The following PON1 variants were observed in gnomAD, a reference collection of about 807,000 sequenced individuals.
PON1 encodes paraoxonase 1, also known as serum paraoxonase/arylesterase 1.
In PON1, 37 loss-of-function variants were observed where a neutral mutation model predicts 39.2. The ratio of observed to expected loss-of-function variants is 0.94; its 90% CI spans 0.73 to 1.24. PON1 has a LOEUF of 1.24. PON1 is among the 50% of genes most tolerant of loss of function. The probability of loss-of-function intolerance (pLI) is 0.00; values close to 1 mark genes in which losing one functional copy is unlikely to be tolerated. For missense variants in PON1, 397 were observed against 413.5 expected (o/e 0.96, Z 0.35); for synonymous variants, 148 against 152.2 (o/e 0.97, Z 0.21).
intron 6 of PON1, among the ~76,000 whole-genome samples, chr7:95,306,662 C>G (rs1807547879): frequency 6.6e-6 from 1 of 152,136 alleles, no homozygotes; most frequent in Non-Finnish European, 1.5e-5. Context: ...CAGCGTTTCT[C>G]TTTTGGTTTG....
At chr7:95,299,265 G>T (rs979497016) in intron 8 of PON1, among the ~76,000 whole-genome samples, 163 bp from the exon 9 acceptor site, 1 of 152,076 alleles carries the variant, frequency 6.6e-6, no homozygotes, top group Non-Finnish European at 1.5e-5. Flanking sequence ...CTTCATTTGG[G>T]AACAGGTGGG....
chr7:95,299,272 T>G (rs1807364271), intron 8 of PON1, among the ~76,000 whole-genome samples, 170 bp from the exon 9 acceptor site: 1 of 152,114 alleles, frequency 6.6e-6, no homozygotes, highest in Non-Finnish European at 1.5e-5. Context: ...TGGGAACAGG[T>G]GGGTACTGAT....
chr7:95,312,003 G>T (rs543812698), intron 4 of PON1, among the ~76,000 whole-genome samples: 24 of 152,202 alleles, frequency 1.6e-4, no homozygotes, highest in Non-Finnish European at 3.1e-4. Context: ...AAGAACATCT[G>T]AGAAATAGTA....
intron 1 of PON1, among the ~76,000 whole-genome samples, chr7:95,323,432 A>C (rs1411211331): frequency 1.3e-5 from 2 of 152,182 alleles, no homozygotes; most frequent in African/African-American, 4.8e-5. Context: ...AAATTAGAAA[A>C]ACATCCACAA....
At chr7:95,318,256 T>C (rs1807814912) in intron 2 of PON1, 67 bp downstream of exon 2, 1 of 1,307,998 alleles carries the variant, frequency 7.6e-7, no homozygotes, top group Non-Finnish European at 1.1e-6. Flanking sequence ...ACAGGCACAT[T>C]AATCACACAA....
intron 6 of PON1, among the ~76,000 whole-genome samples, chr7:95,307,608 A>G (rs749088182): frequency 4.6e-5 from 7 of 152,174 alleles, no homozygotes; most frequent in Non-Finnish European, 8.8e-5. Flanking sequence ...TACTTTCTTG[A>G]TGAAGGAAGT....
intron 5 of PON1, among the ~76,000 whole-genome samples, chr7:95,309,494 T>G (rs982262905): frequency 1.3e-5 from 2 of 152,182 alleles, no homozygotes; most frequent in African/African-American, 2.4e-5. Context: ...CAATAGCTTT[T>G]TATTGCTGAA....
chr7:95,317,916 T>C (rs1047417936), intron 2 of PON1, among the ~76,000 whole-genome samples: 1 of 152,122 alleles, frequency 6.6e-6, no homozygotes, highest in East Asian at 1.9e-4. Flanking sequence ...AAAAGAGAGA[T>C]GCATAAGGAG....
chr7:95,323,217 T>C (rs1383193243), intron 1 of PON1, among the ~76,000 whole-genome samples: 1 of 152,080 alleles, frequency 6.6e-6, no homozygotes, highest in Non-Finnish European at 1.5e-5. Context: ...GTGGGTAAAA[T>C]TTCCCTTCCT....
At chr7:95,303,459 C>T (rs1361990613) in intron 7 of PON1, among the ~76,000 whole-genome samples, 3 of 152,174 alleles carry the variant, frequency 2.0e-5, no homozygotes, top group Non-Finnish European at 4.4e-5. Context: ...GGGCTTTGCT[C>T]TTATCTTTGG....
At chr7:95,324,355 G>A in intron 1 of PON1, 47 bp downstream of exon 1, 2 of 1,574,104 alleles carry the variant, frequency 1.3e-6, no homozygotes, top group Non-Finnish European at 1.7e-6. Context: ...GAGCTGGCAG[G>A]GAGTGAGGAG....
At chr7:95,311,632 C>T in intron 4 of PON1, 55 bp from the exon 5 acceptor site, 6 of 1,609,186 alleles carry the variant, frequency 3.7e-6, no homozygotes, top group Admixed American at 1.7e-5. Flanking sequence ...CACTGTCAGC[C>T]CTCTCTCCAA....
rs1807332352 is a variant in PON1 at position 95,298,428 on chromosome 7, T to C, written c.*516A>G. On this transcript the variant is annotated 3_prime_UTR_variant, in exon 9 of 9. Transcript: ENST00000222381. ...AAGGGAAAATGGGAGTAAGTAAGTCTGACTGCCATAGTCAGACTTACTATG... is the reference window on the plus strand; with the variant it reads ...AAGGGAAAATGGGAGTAAGTAAGTCCGACTGCCATAGTCAGACTTACTATG... 1 of 172,142 alleles carries C rather than the reference T, an allele frequency of 5.8e-6. No homozygotes were observed. The highest frequency in any genetic ancestry group is 2.4e-5 in the African/African-American group (1 of 41,926). The allele number at this position is 172,142 out of a possible 1,614,324, so 10.7% of individuals were successfully genotyped here.
chr7:95,316,820 T>G, intron 2 of PON1, 31 bp from the exon 3 acceptor site: 2 of 1,565,864 alleles, frequency 1.3e-6, no homozygotes, highest in East Asian at 2.2e-5. Flanking sequence ...AAGTACAGGT[T>G]GTTTCATATT....
chr7:95,298,243 G>T lies in PON1; in HGVS notation c.*701C>A, dbSNP rs1175251413. On this transcript the variant is annotated 3_prime_UTR_variant, in exon 9 of 9. Transcript: ENST00000222381. The stretch of plus-strand genomic sequence containing the variant: ...AAAGACACTCAAATGTACAATTTGT[G>T]CCAAGATCATAGAGACTCATAATTT... The T allele has an allele frequency of 6.5e-6, 1 of 153,612 alleles. No homozygotes were observed. The highest frequency in any genetic ancestry group is 1.4e-5 in the Non-Finnish European group (1 of 69,052). 9.5% of individuals were successfully genotyped at this position (153,612 alleles called of 1,614,324 possible).
At position 95,302,352 on chromosome 7, in the gene PON1, A is replaced by T. The variant is rs1436997182; in HGVS notation, c.781-19T>A. The T allele has an allele frequency of 6.3e-7, 1 of 1,595,742 alleles. No individual in the cohort carries two copies. Among genetic ancestry groups the T allele is most frequent in the Non-Finnish European group, 8.6e-7 (1 of 1,165,546 alleles). On this transcript the variant is annotated intron_variant, in intron 7 of 8. Transcript: ENST00000222381. ...CAAGGGACTTAAAAGATTAAAAACAAGAAAAGAACAAGACATAAAGTAAAA... is the reference window on the plus strand; with the variant it reads ...CAAGGGACTTAAAAGATTAAAAACATGAAAAGAACAAGACATAAAGTAAAA...
chr7:95,308,024 A>G lies in PON1; in HGVS notation c.685T>C (p.Ser229Pro). 1 of 1,613,992 alleles carries G rather than the reference A, an allele frequency of 6.2e-7. No individual in the cohort carries two copies. The highest frequency in any genetic ancestry group is 8.5e-7 in the Non-Finnish European group (1 of 1,179,878). Reference sequence around the variant, plus strand: ...GAGTTCACATACTTGCCATCGGGTGAAATGTTGATTCCATTAGCAAAATCA... The same window carrying G: ...GAGTTCACATACTTGCCATCGGGTGGAATGTTGATTCCATTAGCAAAATCA... ...GFDFANGINISPDGKYVYIAE... is the reference protein window; with the variant it reads ...GFDFANGINIPPDGKYVYIAE... Residue 229 changes from serine to proline, a missense_variant, in exon 6 of 9, where the codon TCA (serine) becomes CCA (proline). Coordinates refer to ENST00000222381, the MANE Select transcript of PON1 (RefSeq NM_000446.7).
chr7:95,302,158 A>AGTAGCTGG, intron 8 of PON1, 47 bp downstream of exon 8: 1 of 1,518,418 alleles, frequency 6.6e-7, no homozygotes, highest in South Asian at 1.1e-5. Flanking sequence ...CTGAAAAAAC[A>AGTAGCTGG]GTAGCTGGGA....
intron 6 of PON1, 132 bp from the exon 7 acceptor site, chr7:95,306,498 A>T: frequency 2.8e-6 from 2 of 717,650 alleles, no homozygotes; most frequent in Non-Finnish European, 5.0e-6. Flanking sequence ...CCTCAAACAC[A>T]CCAAATTCTG....
Sources: gnomAD v4.1 joint callset for allele counts (sites outside exome capture counted in the v4.1 genomes callset) on GRCh38, gnomAD v4.1.1 for gene constraint, MANE v1.5 for transcripts, NCBI Gene and HGNC (gene_info 2026-07-23, HGNC 2026-07-21) for gene names.